The following SIN3B variants were observed in gnomAD, a reference collection of about 807,000 sequenced individuals.
The protein encoded by SIN3B is SIN3 transcription regulator family member B.
A neutral mutation model predicts 120.2 loss-of-function variants in SIN3B; 19 were observed. That is an observed-to-expected ratio of 0.16 (90% CI 0.11 to 0.23). The LOEUF (loss-of-function observed/expected upper bound fraction) is 0.23. SIN3B is among the 10% of genes least tolerant of loss of function. SIN3B has a pLI of 1.00. For missense variants in SIN3B, 1,073 were observed against 1,573.0 expected (o/e 0.68, Z 5.38); for synonymous variants, 654 against 653.2 (o/e 1.00, Z -0.02).
Position 16,831,658 on chromosome 19 carries a change from A to G in SIN3B, c.381+11A>G. ...CCTCTGACAAGCCAGGTATGCCACTACAGTGGTTCGGGTGATCTCAGCCTT... is the reference window on the plus strand; with the variant it reads ...CCTCTGACAAGCCAGGTATGCCACTGCAGTGGTTCGGGTGATCTCAGCCTT... On this transcript the variant is annotated intron_variant, in intron 3 of 18. Coordinates refer to ENST00000248054, the MANE Select transcript of SIN3B (RefSeq NM_001297595.2). 4 of 1,613,352 alleles carry G rather than the reference A, an allele frequency of 2.5e-6. No individual in the cohort carries two copies. Among genetic ancestry groups the G allele is most frequent in the Non-Finnish European group, 2.5e-6 (3 of 1,179,450 alleles).
intron 3 of SIN3B, among the ~76,000 whole-genome samples, chr19:16,835,228 CTT>C (rs1183912183): frequency 2.1e-4 from 26 of 125,732 alleles, no homozygotes; most frequent in Admixed American, 3.3e-4. Flanking sequence ...ACCTGGCCAT[CTT>C]TTTTTTTTTT....
chr19:16,875,027 T>TTGGTCTGGTC (rs1216546028), intron 14 of SIN3B, among the ~76,000 whole-genome samples: 1 of 151,116 alleles, frequency 6.6e-6, no homozygotes, highest in Non-Finnish European at 1.5e-5. Context: ...TTGGTCTGGT[T>TTGGTCTGGTC]TGGTCTGGTC....
intron 8 of SIN3B, among the ~76,000 whole-genome samples, chr19:16,860,596 CTTT>C (rs34628511): frequency 2.3e-5 from 3 of 131,814 alleles, no homozygotes. Flanking sequence ...GTAACTGCAA[CTTT>C]TTTTTTTTTT....
chr19:16,870,007 A>G lies in SIN3B; in HGVS notation c.2354A>G (p.Lys785Arg), dbSNP rs779027108. The G allele has an allele frequency of 6.2e-7, 1 of 1,613,628 alleles. No homozygotes were observed. The highest frequency in any genetic ancestry group is 8.5e-7 in the Non-Finnish European group (1 of 1,179,916). ...LEYRTEKEREKLLCEGRREKG... is the reference protein window; with the variant it reads ...LEYRTEKERERLLCEGRREKG... ...TATCGGACCGAGAAGGAGCGGGAGA[A>G]GCTGCTGTGTGAGGGCCGCAGGGAG... The change falls in exon 13 of 19, where the codon AAG (lysine) becomes AGG (arginine). Residue 785 changes from lysine (K) to arginine (R), a missense_variant. Physicochemically the swap from Lys to Arg is conservative, Grantham distance 26. Around this residue, in one of 7 missense-constraint regions of SIN3B, gnomAD observed 52 missense variants for 68.8 expected, o/e 0.76. Coordinates refer to ENST00000248054, the MANE Select transcript of SIN3B (RefSeq NM_001297595.2).
chr19:16,856,702 G>A (rs1316977490), intron 8 of SIN3B, among the ~76,000 whole-genome samples: 1 of 152,050 alleles, frequency 6.6e-6, no homozygotes, highest in Non-Finnish European at 1.5e-5. Context: ...CTCCTGAGTA[G>A]CTGGGATTAC....
chr19:16,829,537 G>A lies in SIN3B; in HGVS notation c.117G>A (p.Val39=). The A allele has an allele frequency of 8.1e-7, 1 of 1,231,838 alleles. No homozygotes were observed. 76.3% of individuals were successfully genotyped at this position (1,231,838 alleles called of 1,614,324 possible). Residue 39 remains valine (V), a synonymous_variant, in exon 1 of 19, where the codon GTG becomes GTA. Transcript: ENST00000248054. ...CCGCAGGCCACGAGAAGCTGCCGGT[G>A]CACGTGAGTGGCGTCCCCGCCCTCC... ...SGSAGHEKLP[V]HVEDALTYLD...
intron 8 of SIN3B, among the ~76,000 whole-genome samples, chr19:16,861,914 A>G (rs1048529782): frequency 2.0e-5 from 3 of 152,186 alleles, no homozygotes; most frequent in African/African-American, 7.2e-5. Context: ...GAGCCTGGGC[A>G]ACAGAGTAAG....
intron 7 of SIN3B, among the ~76,000 whole-genome samples, chr19:16,853,859 TG>T (rs1971577588): frequency 6.6e-6 from 1 of 151,760 alleles, no homozygotes; most frequent in Non-Finnish European, 1.5e-5. Context: ...ACAGATGGCG[TG>T]CATGGGCTGT....
intron 3 of SIN3B, among the ~76,000 whole-genome samples, chr19:16,838,562 G>T (rs1403354211): frequency 6.6e-6 from 1 of 152,138 alleles, no homozygotes; most frequent in Non-Finnish European, 1.5e-5. Flanking sequence ...ACCACATTTC[G>T]CATGCCCACT....
intron 14 of SIN3B, among the ~76,000 whole-genome samples, chr19:16,871,842 GA>G (rs1197911177): frequency 1.3e-5 from 2 of 152,122 alleles, no homozygotes; most frequent in African/African-American, 4.8e-5. Flanking sequence ...GCCTTATAGA[GA>G]TTGTGAGCAA....
rs535902275 is a variant in SIN3B, at chr19:16,859,918, C to G, written c.1059-2434C>G. ...GAATTGGGACTCTGCTTCCTACTAG[C>G]CAAGCGAGCCTCAGTGTCTTTGTAA... is the stretch of plus-strand genomic sequence containing the variant. On this transcript the variant is annotated intron_variant, in intron 8 of 18. Transcript: ENST00000248054. Among the ~76,000 whole-genome samples the G allele has an allele frequency of 5.3e-5, 8 of 152,270 alleles. No individual in the cohort carries two copies. The East Asian group carries it at 1.5e-3, about 29-fold the overall frequency.
chr19:16,869,106 G>A (rs192985611), intron 12 of SIN3B, among the ~76,000 whole-genome samples: 40 of 152,228 alleles, frequency 2.6e-4, no homozygotes, highest in Admixed American at 4.6e-4. Context: ...ACGGGGCCCC[G>A]TTCTGTCCTG....
intron 3 of SIN3B, among the ~76,000 whole-genome samples, chr19:16,836,828 G>T (rs1186931368): frequency 6.6e-6 from 1 of 152,228 alleles, no homozygotes; most frequent in Non-Finnish European, 1.5e-5. Flanking sequence ...GACATTCAAA[G>T]GGAGCCCCCT....
chr19:16,874,827 T>A (rs2051566805), intron 14 of SIN3B, among the ~76,000 whole-genome samples: 2 of 151,946 alleles, frequency 1.3e-5, no homozygotes, highest in Admixed American at 1.3e-4. Flanking sequence ...CTGGTTTTGG[T>A]CTGGTCTGAT....
At chr19:16,852,753 G>A (rs565286765) in intron 6 of SIN3B, among the ~76,000 whole-genome samples, 1 of 152,258 alleles carries the variant, frequency 6.6e-6, no homozygotes, top group South Asian at 2.1e-4. Flanking sequence ...GGACAAAACA[G>A]GGAAAGGATT....
intron 12 of SIN3B, among the ~76,000 whole-genome samples, chr19:16,869,131 G>A (rs1307804454): frequency 6.6e-6 from 1 of 152,144 alleles, no homozygotes; most frequent in East Asian, 1.9e-4. Flanking sequence ...TGGGCTGAGC[G>A]ACAGACCCAG....
intron 3 of SIN3B, among the ~76,000 whole-genome samples, chr19:16,835,639 C>CCT (rs1352223204): frequency 4.6e-5 from 7 of 152,038 alleles, no homozygotes; most frequent in African/African-American, 1.5e-4. Flanking sequence ...CCTGCCTCAG[C>CCT]CTCCCAAGTA....
chr19:16,873,668 C>T (rs866092389), intron 14 of SIN3B, among the ~76,000 whole-genome samples: 1 of 152,150 alleles, frequency 6.6e-6, no homozygotes, highest in Non-Finnish European at 1.5e-5. Context: ...ATAAACAACT[C>T]CTCTAGAACC....
chr19:16,874,815 GTCT>G (rs1310615617), intron 14 of SIN3B, among the ~76,000 whole-genome samples: 8 of 151,812 alleles, frequency 5.3e-5, no homozygotes, highest in East Asian at 1.9e-4. Context: ...ATCTGATCTG[GTCT>G]GGTTTTGGTC....
Sources: gnomAD v4.1 joint callset for allele counts (sites outside exome capture counted in the v4.1 genomes callset) on GRCh38, gnomAD v4.1.1 for gene constraint, gnomAD v4.1.1 regional missense constraint, MANE v1.5 for transcripts, NCBI Gene and HGNC (gene_info 2026-07-23, HGNC 2026-07-21) for gene names.